Variants in CPT1B observed in about 807,000 individuals in gnomAD.
CPT1B encodes carnitine O-palmitoyltransferase 1, muscle isoform.
A neutral mutation model predicts 92.7 loss-of-function variants in CPT1B; 57 were observed. The observed-to-expected ratio is 0.62, with a 90% CI of 0.50 to 0.77. The LOEUF (loss-of-function observed/expected upper bound fraction) is 0.77, where lower values mean the gene tolerates loss of function less well. Among genes scored for constraint, CPT1B ranks in the 30% least tolerant of loss-of-function variants. CPT1B has a pLI of 0.00. For missense variants in CPT1B, 983 were observed against 1,017.4 expected (o/e 0.97, Z 0.46); for synonymous variants, 398 against 383.5 (o/e 1.04, Z -0.44).
rs765107256 is a variant in CPT1B, at chr22:50,576,066, G to C, written c.746C>G (p.Pro249Arg). ...EEYIYLRGRS[P>R]LMVNSNYYVM... ...ATAATAGTTGCTGTTCACCATGAGA[G>C]GGCTCCTGCCTCGAAGGTAGATGTA... Residue 249 changes from proline to arginine, a missense_variant, in exon 7 of 20, where the codon CCT becomes CGT. Pro to Arg is a moderately radical substitution (Grantham distance 103). Coordinates refer to ENST00000312108, the MANE Select transcript of CPT1B (RefSeq NM_152246.3). 6.2e-7 allele frequency: 1 copy of C among 1,614,148 alleles called. No homozygotes were observed. The highest frequency in any genetic ancestry group is 1.1e-5 in the South Asian group (1 of 91,088).
At position 50,576,972 on chromosome 22, in the gene CPT1B, C is replaced by T. The variant is rs1210532119; in HGVS notation, c.344G>A (p.Gly115Asp). The change falls in exon 4 of 20, where the codon GGC (glycine) becomes GAC (aspartate). Residue 115 changes from glycine (G) to aspartate (D), a missense_variant. By Grantham distance (94) the Gly-to-Asp change is moderately conservative. Coordinates refer to ENST00000312108, the MANE Select transcript of CPT1B (RefSeq NM_152246.3). ...GAAGAAGATGCCCGTCACCCAGACG[C>T]CCGTGGAGAAGATGGCCATGCTGAG... ...ALLSMAIFST[G>D]VWVTGIFFFR... 6.2e-7 allele frequency: 1 copy of T among 1,613,968 alleles called. No individual in the cohort carries two copies. Among genetic ancestry groups the T allele is most frequent in the African/African-American group, 1.3e-5 (1 of 74,916 alleles).
At chr22:50,569,222 G>T in intron 19 of CPT1B, 114 bp downstream of exon 19, 1 of 980,786 alleles carries the variant, frequency 1.0e-6, no homozygotes, top group South Asian at 1.5e-5. Context: ...CCTGCTGCCG[G>T]AGCTGTCCTT....
chr22:50,572,395 C>A, intron 11 of CPT1B, 87 bp from the exon 12 acceptor site: 1 of 772,690 alleles, frequency 1.3e-6, no homozygotes, highest in Admixed American at 2.4e-5. Context: ...ACCCTAATTA[C>A]TAACCCTATT....
intron 16 of CPT1B, among the ~76,000 whole-genome samples, 188 bp downstream of exon 16, chr22:50,570,703 G>A (rs1174124340): frequency 2.0e-5 from 3 of 152,194 alleles, no homozygotes; most frequent in Admixed American, 6.5e-5. Context: ...CCACAAAGAG[G>A]ATGTTGCTCC....
Position 50,577,430 on chromosome 22 carries a change from G to A in CPT1B, c.175C>T (p.Pro59Ser). 2.5e-6 allele frequency: 4 copies of A among 1,613,854 alleles called. No homozygotes were observed. The highest frequency in any genetic ancestry group is 2.5e-6 in the Non-Finnish European group (3 of 1,179,986). ...ATGATGACGACCAGCCAGCTGGTGGGGCTGCCAGGGTACACGCCCCTGAGG... is the reference window on the plus strand; with the variant it reads ...ATGATGACGACCAGCCAGCTGGTGGAGCTGCCAGGGTACACGCCCCTGAGG... ...GILRGVYPGS[P>S]TSWLVVIMAT... is the part of the protein sequence containing the mutation. The change falls in exon 3 of 20, where the codon CCC (proline) becomes TCC (serine). Residue 59 changes from proline (P) to serine (S), a missense_variant. Transcript: ENST00000312108.
Position 50,577,384 on chromosome 22 carries a change from A to G in CPT1B, c.221T>C (p.Phe74Ser), listed in dbSNP as rs770295647. 8 of 1,613,836 alleles carry G rather than the reference A, an allele frequency of 5.0e-6. No individual in the cohort carries two copies. The highest frequency in any genetic ancestry group is 1.6e-4 in the Middle Eastern group (1 of 6,084). The change falls in exon 3 of 20, where the codon TTC becomes TCC. Residue 74 changes from phenylalanine to serine, a missense_variant. By Grantham distance (155) the Phe-to-Ser change is radical. Coordinates refer to ENST00000312108, the MANE Select transcript of CPT1B (RefSeq NM_152246.3). ...VVIMATVGSS[F>S]CNVDISLGLV... ...CCCCAAGGAGATGTCCACGTTGCAG[A>G]AGGAGGAACCCACTGTTGCCATGAT...
At chr22:50,577,728 T>C (rs1373075735) in intron 2 of CPT1B, 47 bp downstream of exon 2, 12 of 1,601,616 alleles carry the variant, frequency 7.5e-6, no homozygotes, top group Non-Finnish European at 6.8e-6. Flanking sequence ...GCTTAACAGC[T>C]GACAGCCGGC....
At position 50,577,026 on chromosome 22, in the gene CPT1B, G is replaced by A; in HGVS notation, c.290C>T (p.Pro97Leu). ...TGCCCGGGTCTGCGGGGTCTGGTAGGGGCCACACCTATTGGAGAGGGGCAA... is the reference window on the plus strand; with the variant it reads ...TGCCCGGGTCTGCGGGGTCTGGTAGAGGCCACACCTATTGGAGAGGGGCAA... ...IQRCLPQGCG[P>L]YQTPQTRALL... is the part of the protein sequence containing the mutation. The change falls in exon 4 of 20, where the codon CCC (proline) becomes CTC (leucine). Residue 97 changes from proline to leucine, a missense_variant. Physicochemically the swap from Pro to Leu is moderately conservative, Grantham distance 98. Transcript: ENST00000312108. The A allele has an allele frequency of 6.2e-7, 1 of 1,613,964 alleles. No individual in the cohort carries two copies.
At chr22:50,569,119 C>A in intron 19 of CPT1B, 38 bp from the exon 20 acceptor site, 1 of 519,924 alleles carries the variant, frequency 1.9e-6, no homozygotes. Context: ...TTATTAGTAT[C>A]TATCAAGAAA....
At chr22:50,575,571 T>G (rs1028640963) in intron 7 of CPT1B, among the ~76,000 whole-genome samples, 1 of 152,158 alleles carries the variant, frequency 6.6e-6, no homozygotes, top group African/African-American at 2.4e-5. Context: ...GCCAGTTACA[T>G]GGGGCAGAGG....
In CPT1B at chr22:50,572,259, C is replaced by T; in HGVS notation, c.1402G>A (p.Gly468Ser). Reference protein sequence around the residue: ...TLISFKNGQLGLNAEHAWADA... With the variant: ...TLISFKNGQLSLNAEHAWADA... ...GCCCACGCATGCTCTGCATTGAGAC[C>T]CAACTGGCCATTCTTGAAGGAAATG... The change falls in exon 12 of 20, where the codon GGT becomes AGT. Residue 468 changes from glycine (G) to serine (S), a missense_variant. Coordinates refer to ENST00000312108, the MANE Select transcript of CPT1B (RefSeq NM_152246.3). The T allele has an allele frequency of 6.2e-7, 1 of 1,614,016 alleles. No individual in the cohort carries two copies. The highest frequency in any genetic ancestry group is 1.1e-5 in the South Asian group (1 of 91,080).
intron 7 of CPT1B, 25 bp from the exon 8 acceptor site, chr22:50,574,625 G>A (rs1386040147): frequency 9.4e-6 from 15 of 1,597,526 alleles, no homozygotes; most frequent in Non-Finnish European, 1.2e-5. Context: ...AGCCCGCGGG[G>A]TGGGGGCCTC....
chr22:50,576,770 C>T, intron 4 of CPT1B, 87 bp downstream of exon 4: 1 of 1,566,004 alleles, frequency 6.4e-7, no homozygotes, highest in East Asian at 2.2e-5. Context: ...AGTGCCCTGT[C>T]TGCCTCTCCC....
Position 50,573,645 on chromosome 22 carries a change from C to T in CPT1B, c.1041G>A (p.Trp347Ter), listed in dbSNP as rs1376228512. 1.2e-6 allele frequency: 2 copies of T among 1,613,296 alleles called. No individual in the cohort carries two copies. Among genetic ancestry groups the T allele is most frequent in the Non-Finnish European group, 1.7e-6 (2 of 1,180,002 alleles). ...TGAGCAGACGGGCGCCCTCATAGAGCCACAGCTTGAAGAAGCGTCCCTTGT... is the reference window on the plus strand; with the variant it reads ...TGAGCAGACGGGCGCCCTCATAGAGTCACAGCTTGAAGAAGCGTCCCTTGT... ...VYHKGRFFKL[W>*]LYEGARLLKP... The change falls in exon 10 of 20, where the codon TGG becomes TGA. Residue 347 changes from tryptophan (W) to a stop codon, truncating the protein, a stop_gained. Transcript: ENST00000312108. LOFTEE classifies it high-confidence loss of function. The surrounding 1 kb of genome is among the most constrained non-coding windows in gnomAD (Gnocchi z 5.0).
chr22:50,573,441 G>T lies in CPT1B; in HGVS notation c.1166+79C>A. 7.7e-7 allele frequency: 1 copy of T among 1,300,646 alleles called. No homozygotes were observed. The highest frequency in any genetic ancestry group is 1.1e-6 in the Non-Finnish European group (1 of 945,364). 80.6% of individuals were successfully genotyped at this position (1,300,646 alleles called of 1,614,324 possible). A position where few individuals can be genotyped will look rare whatever the true frequency, so the allele number is the denominator to read the frequency against. On this transcript the variant is annotated intron_variant, in intron 10 of 19. Coordinates refer to ENST00000312108, the MANE Select transcript of CPT1B (RefSeq NM_152246.3). This position sits in a 1 kb window ranked among gnomAD's most constrained non-coding sequence, Gnocchi z 5.0. ...TGTGCCTCCAGCCTCCAGTTCCAGG[G>T]TGGCAGGCAGGGCCACGCTCCTCTC...
At chr22:50,570,810 C>A in intron 16 of CPT1B, 81 bp downstream of exon 16, 1 of 1,541,806 alleles carries the variant, frequency 6.5e-7, no homozygotes, top group Non-Finnish European at 8.8e-7. Context: ...GGAAAACAGG[C>A]CGTGCTCCAT....
chr22:50,569,620 T>C lies in CPT1B; in HGVS notation c.2191A>G (p.Thr731Ala). 6.2e-7 allele frequency: 1 copy of C among 1,614,066 alleles called. No individual in the cohort carries two copies. The highest frequency in any genetic ancestry group is 8.5e-7 in the Non-Finnish European group (1 of 1,180,026). ...GVSYMIAGEN[T>A]IFFHISSKFS... is the part of the protein sequence containing the mutation. ...TTGCTGGAGATGTGGAAGAAGATCG[T>C]GTTCTCGCCTGCAATCATGTAGGAA... is the stretch of plus-strand genomic sequence containing the variant. Residue 731 changes from threonine to alanine, a missense_variant, in exon 18 of 20, where the codon ACG becomes GCG. Physicochemically the swap from Thr to Ala is moderately conservative, Grantham distance 58. Transcript: ENST00000312108.
At position 50,570,338 on chromosome 22, in the gene CPT1B, T is replaced by G. The variant is rs2070103723; in HGVS notation, c.2097A>C (p.Pro699=). The G allele has an allele frequency of 6.2e-7, 1 of 1,607,972 alleles. No individual in the cohort carries two copies. The highest frequency in any genetic ancestry group is 1.7e-5 in the Admixed American group (1 of 59,566). Residue 699 remains proline (P), a synonymous_variant, in exon 17 of 20, where the codon CCA becomes CCC. Coordinates refer to ENST00000312108, the MANE Select transcript of CPT1B (RefSeq NM_152246.3). ...IPQSQIRMFD[P]EQHPNHLGAG... ...CGCCCAGGTGATTGGGGTGCTGCTC[T>G]GGGTCGAACATGCGGATCTGGGATT...
rs202199840 is a variant in CPT1B, at chr22:50,572,871, G to A, written c.1352+4C>T. 15 of 1,600,348 alleles carry A rather than the reference G, an allele frequency of 9.4e-6. No homozygotes were observed. The highest frequency in any genetic ancestry group is 9.0e-5 in the East Asian group (4 of 44,388). On this transcript the variant is annotated splice_donor_region_variant and intron_variant, in intron 11 of 19. Coordinates refer to ENST00000312108, the MANE Select transcript of CPT1B (RefSeq NM_152246.3). ...TGTAACCTGTGGGGCTGGGGCTGCC[G>A]TACCTGTTGTAGCAGTTGCCATGTA... is the stretch of plus-strand genomic sequence containing the variant.
Sources: allele counts gnomAD v4.1 joint callset (sites outside exome capture counted in the v4.1 genomes callset), GRCh38; gene constraint gnomAD v4.1.1; non-coding constraint Gnocchi (gnomAD v3.1); transcripts MANE v1.5; gene names NCBI Gene and HGNC (gene_info 2026-07-23, HGNC 2026-07-21).